Variants in FRYL observed in about 807,000 individuals in gnomAD.
FRYL encodes protein furry homolog-like.
A neutral mutation model predicts 351.2 loss-of-function variants in FRYL; 150 were observed. The ratio of observed to expected loss-of-function variants is 0.43; its 90% CI spans 0.37 to 0.49. FRYL has a LOEUF of 0.49. Among genes scored for constraint, FRYL ranks in the 20% least tolerant of loss-of-function variants. FRYL has a pLI of 0.00. For synonymous variants in FRYL, 1,153 were observed against 1,257.1 expected, an observed-to-expected ratio of 0.92 and a Z score of 1.75; for missense variants, 3,036 against 3,619.3, an observed-to-expected ratio of 0.84 and a Z score of 4.13.
chr4:48,511,087 TAATGATATATAG>T, intron 57 of FRYL, 103 bp from the exon 58 acceptor site: 1 of 642,880 alleles, frequency 1.6e-6, no homozygotes, highest in Non-Finnish European at 2.7e-6. Context: ...TTTAAAATTA[TAATGATATATAG>T]AACTTTAATC....
Position 48,590,847 on chromosome 4 carries a change from T to C in FRYL, c.1336-17A>G, listed in dbSNP as rs1388657243. On this transcript the variant is annotated splice_polypyrimidine_tract_variant and intron_variant, in intron 16 of 63. Transcript: ENST00000358350. Reference sequence around the variant, plus strand: ...GTTCATTCTCTTCAAAGGAAAAAAATGCAAAAGGAAGAGATGAGTATCATA... The same window carrying C: ...GTTCATTCTCTTCAAAGGAAAAAAACGCAAAAGGAAGAGATGAGTATCATA... 2.5e-6 allele frequency: 4 copies of C among 1,584,512 alleles called. No homozygotes were observed. Among genetic ancestry groups the C allele is most frequent in the Non-Finnish European group, 2.6e-6 (3 of 1,168,126 alleles).
At chr4:48,754,253 T>C (rs956952233) in intron 1 of FRYL, among the ~76,000 whole-genome samples, 8 of 152,250 alleles carry the variant, frequency 5.3e-5, no homozygotes, top group Admixed American at 2.6e-4. Context: ...GGATACTTCA[T>C]ATCAATGGCA....
At chr4:48,761,015 G>A (rs1384107839) in intron 1 of FRYL, among the ~76,000 whole-genome samples, 1 of 148,332 alleles carries the variant, frequency 6.7e-6, no homozygotes, top group African/African-American at 2.5e-5. Flanking sequence ...GTCTGTGTGT[G>A]TGTGTGTGTG....
chr4:48,675,506 A>G (rs1763487845), intron 3 of FRYL, among the ~76,000 whole-genome samples: 1 of 152,182 alleles, frequency 6.6e-6, no homozygotes, highest in Non-Finnish European at 1.5e-5. Context: ...CGGAGGGTGT[A>G]CTGGGTCCCC....
At chr4:48,756,904 C>T (rs1417505322) in intron 1 of FRYL, among the ~76,000 whole-genome samples, 2 of 152,166 alleles carry the variant, frequency 1.3e-5, no homozygotes, top group Non-Finnish European at 2.9e-5. Context: ...GCCATGATTG[C>T]GCCACTGCAC....
intron 1 of FRYL, among the ~76,000 whole-genome samples, chr4:48,722,693 G>A (rs1326639528): frequency 6.6e-6 from 1 of 152,210 alleles, no homozygotes; most frequent in African/African-American, 2.4e-5. Context: ...CAAAAAGTCA[G>A]TGGTTTCCTT....
intron 3 of FRYL, among the ~76,000 whole-genome samples, chr4:48,682,662 A>G (rs993742412): frequency 1.3e-5 from 2 of 152,114 alleles, no homozygotes; most frequent in African/African-American, 4.8e-5. Context: ...CAAACATACG[A>G]AAAAAAACCT....
intron 56 of FRYL, among the ~76,000 whole-genome samples, chr4:48,513,914 C>T (rs1722998070): frequency 6.6e-6 from 1 of 152,182 alleles, no homozygotes; most frequent in African/African-American, 2.4e-5. Context: ...AGCTGAATAA[C>T]ATCGTTTCTG....
At chr4:48,647,070 A>G (rs1189402812) in intron 3 of FRYL, among the ~76,000 whole-genome samples, 1 of 152,224 alleles carries the variant, frequency 6.6e-6, no homozygotes, top group Non-Finnish European at 1.5e-5. Flanking sequence ...GGAATACCAA[A>G]GTTTGATAAG....
chr4:48,658,298 A>T (rs1395371784), intron 3 of FRYL, among the ~76,000 whole-genome samples: 1 of 152,192 alleles, frequency 6.6e-6, no homozygotes, highest in African/African-American at 2.4e-5. Flanking sequence ...ACTGGTATCC[A>T]GAATTACCAT....
At chr4:48,531,879 T>G (rs746920539) in intron 49 of FRYL, among the ~76,000 whole-genome samples, 5 of 152,196 alleles carry the variant, frequency 3.3e-5, no homozygotes, top group Non-Finnish European at 5.9e-5. Context: ...ACCATGCTAA[T>G]GTGATGTTCT....
At chr4:48,674,735 T>C (rs1009913539) in intron 3 of FRYL, among the ~76,000 whole-genome samples, 5 of 634 alleles carry the variant, frequency 7.9e-3, no homozygotes, top group African/African-American at 0.014. Flanking sequence ...AGACTCTGTC[T>C]CAAAAAAAAA....
chr4:48,677,862 G>A (rs1763976338), intron 3 of FRYL, among the ~76,000 whole-genome samples: 3 of 151,766 alleles, frequency 2.0e-5, no homozygotes, highest in South Asian at 2.1e-4. Flanking sequence ...CCATATCATC[G>A]AGTTCTCCTT....
chr4:48,612,745 A>AT (rs34297450), intron 7 of FRYL, among the ~76,000 whole-genome samples: 521 of 139,336 alleles, frequency 3.7e-3, no homozygotes, highest in African/African-American at 9.8e-3. Flanking sequence ...TGCCTGGCTA[A>AT]TTTTTTTTTT....
At chr4:48,643,465 T>C (rs1755722743) in intron 3 of FRYL, among the ~76,000 whole-genome samples, 1 of 152,154 alleles carries the variant, frequency 6.6e-6, no homozygotes, top group Admixed American at 6.5e-5. Context: ...TATAACTGTA[T>C]ACCTAAAGGT....
At chr4:48,713,783 G>T (rs184597645) in intron 1 of FRYL, among the ~76,000 whole-genome samples, 2,501 of 152,090 alleles carry the variant, frequency 0.016, 69 homozygotes, top group African/African-American at 0.057. Context: ...AATAGACATC[G>T]ACAGAACTCT....
At chr4:48,671,666 T>G (rs6819193) in intron 3 of FRYL, among the ~76,000 whole-genome samples, 70,276 of 141,802 alleles carry the variant, frequency 0.5, 17,120 homozygotes, top group African/African-American at 0.61. Flanking sequence ...AAACTCCATC[T>G]CAAAACAAAA....
chr4:48,724,563 C>T (rs1769868125), intron 1 of FRYL, among the ~76,000 whole-genome samples: 1 of 152,130 alleles, frequency 6.6e-6, no homozygotes, highest in South Asian at 2.1e-4. Flanking sequence ...AAAGCAAGCT[C>T]CAGGAGTTGG....
chr4:48,622,250 A>G (rs1316845686), intron 5 of FRYL, among the ~76,000 whole-genome samples: 9 of 152,230 alleles, frequency 5.9e-5, no homozygotes, highest in Admixed American at 5.9e-4. Context: ...CAAGATGTGA[A>G]TAATCTAAAT....
Sources: gnomAD v4.1 joint callset for allele counts (sites outside exome capture counted in the v4.1 genomes callset) on GRCh38, gnomAD v4.1.1 for gene constraint, MANE v1.5 for transcripts, NCBI Gene and HGNC (gene_info 2026-07-23, HGNC 2026-07-21) for gene names.